The following RAB3GAP1 variants were observed in gnomAD, a reference collection of about 807,000 sequenced individuals.
The protein encoded by RAB3GAP1 is RAB3 GTPase activating protein catalytic subunit 1.
In RAB3GAP1, 86 loss-of-function variants were observed where a neutral mutation model predicts 130.7. The observed-to-expected ratio is 0.66, with a 90% CI of 0.55 to 0.79. The LOEUF is 0.79. RAB3GAP1 is among the 30% of genes least tolerant of loss of function. The pLI, the probability that RAB3GAP1 is intolerant of heterozygous loss-of-function variation, is 0.00. For missense variants in RAB3GAP1, 1,029 were observed against 1,169.4 expected (o/e 0.88, Z 1.75); for synonymous variants, 367 against 401.7 (o/e 0.91, Z 1.03).
intron 3 of RAB3GAP1, among the ~76,000 whole-genome samples, chr2:135,066,550 C>T (rs1689328599): frequency 6.6e-6 from 1 of 152,178 alleles, no homozygotes; most frequent in Non-Finnish European, 1.5e-5. Flanking sequence ...AAACCTAGGT[C>T]TTGCCTTCAG....
intron 3 of RAB3GAP1, among the ~76,000 whole-genome samples, chr2:135,076,772 A>G (rs1574087165): frequency 6.6e-6 from 1 of 152,204 alleles, no homozygotes; most frequent in Non-Finnish European, 1.5e-5. Flanking sequence ...GAACTTTTTT[A>G]TCATCCCAAA....
In RAB3GAP1 at chr2:135,132,939, T is replaced by C; in HGVS notation, c.1281T>C (p.Thr427=). The C allele has an allele frequency of 6.3e-7, 1 of 1,584,652 alleles. No individual in the cohort carries two copies. Among genetic ancestry groups the C allele is most frequent in the Non-Finnish European group, 8.7e-7 (1 of 1,153,496 alleles). The change falls in exon 14 of 24, where the codon ACT becomes ACC. Residue 427 remains threonine, a synonymous_variant. Coordinates refer to ENST00000264158, the MANE Select transcript of RAB3GAP1 (RefSeq NM_012233.3). ...DAVSEKPLDG[T]TSTDNNNPPS... ...TTTCTGAGAAACCATTAGATGGAAC[T>C]ACTTCAACAGATAATAATAATCCTC...
chr2:135,139,291 A>G (rs1478490857), intron 17 of RAB3GAP1, among the ~76,000 whole-genome samples: 1 of 152,162 alleles, frequency 6.6e-6, no homozygotes, highest in Non-Finnish European at 1.5e-5. Flanking sequence ...CTGTAATCCC[A>G]GCACTTTGGG....
intron 3 of RAB3GAP1, among the ~76,000 whole-genome samples, chr2:135,065,767 A>ATTTT (rs1201634667): frequency 4.8e-5 from 6 of 123,920 alleles, no homozygotes; most frequent in African/African-American, 1.0e-4. Flanking sequence ...ATCTTCACTA[A>ATTTT]TTTTTTTTTT....
chr2:135,128,352 A>G (rs906011127), intron 11 of RAB3GAP1, among the ~76,000 whole-genome samples: 1 of 152,184 alleles, frequency 6.6e-6, no homozygotes, highest in Non-Finnish European at 1.5e-5. Flanking sequence ...TCATAAATAA[A>G]ATAGAGATAA....
intron 17 of RAB3GAP1, among the ~76,000 whole-genome samples, chr2:135,140,490 T>C (rs1171856757): frequency 1.3e-5 from 2 of 152,200 alleles, no homozygotes; most frequent in African/African-American, 4.8e-5. Context: ...GTGGCTATAA[T>C]TTATTACAAG....
intron 17 of RAB3GAP1, among the ~76,000 whole-genome samples, chr2:135,140,672 A>G (rs1485934674): frequency 6.6e-6 from 1 of 152,248 alleles, no homozygotes; most frequent in Admixed American, 6.5e-5. Context: ...TTAGAGGCAC[A>G]GCAGTGGGAG....
intron 9 of RAB3GAP1, among the ~76,000 whole-genome samples, chr2:135,125,049 A>G (rs572066968): frequency 6.6e-6 from 1 of 152,340 alleles, no homozygotes; most frequent in South Asian, 2.1e-4. Context: ...AACCATCATA[A>G]TCATCTAATT....
chr2:135,122,508 T>TAAAC (rs911631743), intron 8 of RAB3GAP1, among the ~76,000 whole-genome samples: 4 of 152,234 alleles, frequency 2.6e-5, no homozygotes, highest in Non-Finnish European at 5.9e-5. Flanking sequence ...AGGTCTTTGT[T>TAAAC]AATCTTCTAT....
intron 2 of RAB3GAP1, among the ~76,000 whole-genome samples, chr2:135,055,121 A>G (rs1427615329): frequency 6.6e-6 from 1 of 152,222 alleles, no homozygotes; most frequent in Non-Finnish European, 1.5e-5. Context: ...AGTCTAGTGC[A>G]TTACAGACAC....
intron 2 of RAB3GAP1, among the ~76,000 whole-genome samples, chr2:135,056,516 T>C (rs1425324707): frequency 1.3e-5 from 2 of 152,230 alleles, no homozygotes; most frequent in African/African-American, 4.8e-5. Flanking sequence ...GTATATTTTC[T>C]TTTGATTGAC....
chr2:135,167,845 A>G (rs1692702715), intron 23 of RAB3GAP1: 1 of 669,934 alleles, frequency 1.5e-6, no homozygotes, highest in East Asian at 3.2e-5. Context: ...GTTTAGCGCA[A>G]CATGATTTCA....
At chr2:135,141,233 T>C (rs1691830784) in intron 17 of RAB3GAP1, among the ~76,000 whole-genome samples, 1 of 151,094 alleles carries the variant, frequency 6.6e-6, no homozygotes, top group Admixed American at 6.6e-5. Flanking sequence ...TACTTCTTTT[T>C]TTTTTTTTTT....
chr2:135,101,302 A>G (rs1393771686), intron 5 of RAB3GAP1, among the ~76,000 whole-genome samples: 1 of 152,224 alleles, frequency 6.6e-6, no homozygotes, highest in Non-Finnish European at 1.5e-5. Context: ...CATACACAGA[A>G]GTTTTCACCT....
chr2:135,079,973 C>T lies in RAB3GAP1; in HGVS notation c.151-11025C>T, dbSNP rs189009612. Among the ~76,000 whole-genome samples the T allele has an allele frequency of 7.1e-3, 1,074 of 152,116 alleles. 11 individuals are homozygous for T. The highest frequency in any genetic ancestry group is 0.024 in the African/African-American group (1,003 of 41,508). The stretch of plus-strand genomic sequence containing the variant: ...TCTACTAAAAATACAAAAAATTAGC[C>T]GGGCGCAGTGGCGGGCGCCTGTAGT... On this transcript the variant is annotated intron_variant, in intron 3 of 23. Coordinates refer to ENST00000264158, the MANE Select transcript of RAB3GAP1 (RefSeq NM_012233.3).
chr2:135,133,812 A>G (rs1691610413), intron 14 of RAB3GAP1, 49 bp from the exon 15 acceptor site: 1 of 1,543,858 alleles, frequency 6.5e-7, no homozygotes, highest in African/African-American at 1.4e-5. Context: ...TTATATGTGT[A>G]AAATATTTTG....
At chr2:135,120,589 TG>T (rs991892823) in intron 7 of RAB3GAP1, among the ~76,000 whole-genome samples, 10 of 152,224 alleles carry the variant, frequency 6.6e-5, no homozygotes, top group African/African-American at 2.4e-4. Flanking sequence ...TCCTAAATTT[TG>T]CATCTTTGGC....
At chr2:135,162,005 T>C (rs1486522440) in intron 19 of RAB3GAP1, among the ~76,000 whole-genome samples, 2 of 152,194 alleles carry the variant, frequency 1.3e-5, no homozygotes, top group Middle Eastern at 3.2e-3. Flanking sequence ...ATACTTCTTT[T>C]ATCTTTACTG....
At chr2:135,060,256 ATTTTTTT>A (rs60562266) in intron 3 of RAB3GAP1, among the ~76,000 whole-genome samples, 4 of 109,890 alleles carry the variant, frequency 3.6e-5, no homozygotes, top group African/African-American at 1.1e-4. Context: ...TAACTGCTTG[ATTTTTTT>A]TTTTTTTTTT....
Sources: gnomAD v4.1 joint callset for allele counts (sites outside exome capture counted in the v4.1 genomes callset) on GRCh38, gnomAD v4.1.1 for gene constraint, MANE v1.5 for transcripts, NCBI Gene and HGNC (gene_info 2026-07-23, HGNC 2026-07-21) for gene names.